QTMAN: variants seen among roughly 807,000 people sequenced by gnomAD.
QTMAN encodes tRNA-queuosine alpha-mannosyltransferase.
chr2:144,329,749 C>G, the QTMAN span, among the ~76,000 whole-genome samples: 73 of 152,256 alleles, frequency 4.8e-4, no homozygotes, highest in African/African-American at 1.7e-3. Flanking sequence ...AACCTAACAG[C>G]GTACCTGGTT....
chr2:144,268,914 C>G, the QTMAN span, among the ~76,000 whole-genome samples: 1 of 152,118 alleles, frequency 6.6e-6, no homozygotes, highest in African/African-American at 2.4e-5. Context: ...CCCAGCCTCC[C>G]GAGTAGCTGG....
the QTMAN span, among the ~76,000 whole-genome samples, chr2:144,087,187 A>C: frequency 3.9e-5 from 6 of 152,314 alleles, no homozygotes; most frequent in Admixed American, 3.9e-4. Flanking sequence ...CAATGAGGAA[A>C]TACTATGAAC....
the QTMAN span, among the ~76,000 whole-genome samples, chr2:144,071,568 TC>T: frequency 6.6e-6 from 1 of 152,166 alleles, no homozygotes; most frequent in Non-Finnish European, 1.5e-5. Context: ...TGGGAATGTC[TC>T]ACGTTCCACG....
the QTMAN span, among the ~76,000 whole-genome samples, chr2:144,320,457 T>C: frequency 6.6e-6 from 1 of 152,198 alleles, no homozygotes; most frequent in Admixed American, 6.5e-5. Context: ...GACCTGTTAC[T>C]ACAATGCAGA....
chr2:143,969,962 T>C, the QTMAN span, among the ~76,000 whole-genome samples: 1 of 152,204 alleles, frequency 6.6e-6, no homozygotes, highest in Non-Finnish European at 1.5e-5. Flanking sequence ...TGCTTGTACA[T>C]TTGATTTTTC....
At chr2:144,042,439 G>A in the QTMAN span, among the ~76,000 whole-genome samples, 14 of 152,012 alleles carry the variant, frequency 9.2e-5, no homozygotes, top group African/African-American at 3.4e-4. Flanking sequence ...AGAAAGAGGA[G>A]AGGAATAAAA....
the QTMAN span, among the ~76,000 whole-genome samples, chr2:144,187,106 C>T: frequency 6.6e-6 from 1 of 152,204 alleles, no homozygotes; most frequent in African/African-American, 2.4e-5. Flanking sequence ...TGTGGACAAT[C>T]ATCTACGTGA....
At chr2:144,295,870 G>A in the QTMAN span, among the ~76,000 whole-genome samples, 1 of 152,144 alleles carries the variant, frequency 6.6e-6, no homozygotes, top group Non-Finnish European at 1.5e-5. Context: ...AAAGTGCTAG[G>A]ATGACGGGCA....
At chr2:144,175,985 TA>T in the QTMAN span, among the ~76,000 whole-genome samples, 1 of 152,152 alleles carries the variant, frequency 6.6e-6, no homozygotes, top group Non-Finnish European at 1.5e-5. Flanking sequence ...CATTTCTACT[TA>T]AACTGGTATA....
the QTMAN span, among the ~76,000 whole-genome samples, chr2:144,042,713 G>A: frequency 2.7e-5 from 4 of 148,322 alleles, no homozygotes; most frequent in East Asian, 4.0e-4. Flanking sequence ...GCAGTGAGCC[G>A]AGACTGCACC....
At chr2:144,289,073 G>A in the QTMAN span, among the ~76,000 whole-genome samples, 37 of 129,060 alleles carry the variant, frequency 2.9e-4, no homozygotes, top group Admixed American at 1.3e-3. Context: ...TCGCTCTGTC[G>A]CCCAGTCTGG....
chr2:144,302,720 A>G, the QTMAN span, among the ~76,000 whole-genome samples: 3 of 152,252 alleles, frequency 2.0e-5, no homozygotes, highest in Non-Finnish European at 4.4e-5. Flanking sequence ...ATGGGCTTAC[A>G]AAGTAGTAAG....
At chr2:143,997,478 T>A in the QTMAN span, among the ~76,000 whole-genome samples, 4 of 152,270 alleles carry the variant, frequency 2.6e-5, no homozygotes, top group South Asian at 6.2e-4. Flanking sequence ...TACCTCTAAA[T>A]GTCTCTCAGC....
At chr2:143,948,567 A>G in the QTMAN span, among the ~76,000 whole-genome samples, 1 of 152,128 alleles carries the variant, frequency 6.6e-6, no homozygotes, top group Non-Finnish European at 1.5e-5. Context: ...TTGTACTCTT[A>G]TATTCATTTC....
the QTMAN span, among the ~76,000 whole-genome samples, chr2:143,954,455 G>A: frequency 2.6e-5 from 4 of 151,976 alleles, no homozygotes; most frequent in East Asian, 1.9e-4. Context: ...TTGAGTCATC[G>A]TATGAATATG....
the QTMAN span, among the ~76,000 whole-genome samples, chr2:144,325,906 T>C: frequency 6.6e-6 from 1 of 152,220 alleles, no homozygotes; most frequent in African/African-American, 2.4e-5. Flanking sequence ...AATTTGGGTG[T>C]TCAATACATG....
chr2:144,171,728 A>C, the QTMAN span, among the ~76,000 whole-genome samples: 1 of 152,156 alleles, frequency 6.6e-6, no homozygotes, highest in Non-Finnish European at 1.5e-5. Context: ...CAATAACGGA[A>C]TTCACCATGA....
At chr2:144,248,200 T>C in the QTMAN span, among the ~76,000 whole-genome samples, 27 of 152,344 alleles carry the variant, frequency 1.8e-4, 1 homozygote, top group South Asian at 4.1e-4. Flanking sequence ...TTATCTGTGA[T>C]AGTTAAAAAG....
At chr2:144,208,578 A>C in the QTMAN span, 1 of 1,596,530 alleles carries the variant, frequency 6.3e-7, no homozygotes, top group Non-Finnish European at 8.5e-7. Flanking sequence ...AAAAACGCTG[A>C]AAATGCATCC....
Sources: gnomAD v4.1 joint callset for allele counts (sites outside exome capture counted in the v4.1 genomes callset) on GRCh38, gnomAD v4.1.1 for gene constraint, MANE v1.5 for transcripts, NCBI Gene and HGNC (gene_info 2026-07-23, HGNC 2026-07-21) for gene names.